The following MGST1 variants were observed in gnomAD, a reference collection of about 807,000 sequenced individuals.
MGST1 encodes the protein glutathione S-transferase 12.
In MGST1, 5 loss-of-function variants were observed where a neutral mutation model predicts 8.9. The observed-to-expected ratio is 0.56, with a 90% CI of 0.29 to 1.19. MGST1 has a LOEUF of 1.19. Ranked by LOEUF, MGST1 falls within the 50% of genes most tolerant of loss-of-function variation. The probability of loss-of-function intolerance (pLI) is 0.08; values close to 1 mark genes in which losing one functional copy is unlikely to be tolerated. For synonymous variants in MGST1, 54 were observed against 67.8 expected (o/e 0.80, Z 1.00); for missense variants, 182 against 187.4 (o/e 0.97, Z 0.17).
intron 1 of MGST1, among the ~76,000 whole-genome samples, chr12:16,350,057 CT>C (rs1368476360): frequency 6.6e-6 from 1 of 152,074 alleles, no homozygotes; most frequent in Non-Finnish European, 1.5e-5. Flanking sequence ...GCTTTTCTAA[CT>C]TTATTCAGCT....
At position 16,589,072 on chromosome 12, in the gene MGST1, C is replaced by T. The variant is rs918173645; in HGVS notation, n.483-456C>T. On this transcript the variant is annotated intron_variant and non_coding_transcript_variant, in intron 4 of 4. Coordinates refer to the MGST1 transcript ENST00000538857. This position sits in a 1 kb window ranked among gnomAD's most constrained non-coding sequence, Gnocchi z 4.2. ...AAGCTGGGGTGTAGCAGAAGGGGGT[C>T]GACGTCAGGTCTGGATACCTCACCG... Among the ~76,000 whole-genome samples, 19 of 152,002 alleles carry T rather than the reference C, an allele frequency of 1.2e-4. No homozygotes were observed. The highest frequency in any genetic ancestry group is 1.6e-4 in the Non-Finnish European group (11 of 67,982).
At chr12:16,575,438 C>T (rs1231523802) in intron 4 of MGST1, among the ~76,000 whole-genome samples, 1 of 152,160 alleles carries the variant, frequency 6.6e-6, no homozygotes, top group South Asian at 2.1e-4. Context: ...CATCTGAAAT[C>T]AATATCAATA....
chr12:16,378,359 A>C (rs1591711776), downstream of MGST1, among the ~76,000 whole-genome samples: 1 of 151,868 alleles, frequency 6.6e-6, no homozygotes, highest in African/African-American at 2.4e-5. Context: ...TCAGCTTTCT[A>C]CATATGGCTA....
chr12:16,376,246 A>G (rs996098988), exon 4 of MGST1: 4 of 639,036 alleles, frequency 6.3e-6, no homozygotes, highest in Middle Eastern at 5.0e-4. Flanking sequence ...TGAAGAAAAA[A>G]TTTATCTTTT....
At chr12:16,543,194 A>G in intron 4 of MGST1, among the ~76,000 whole-genome samples, 1 of 152,204 alleles carries the variant, frequency 6.6e-6, no homozygotes. Context: ...GACTCACTAC[A>G]TGAATATAGT....
At chr12:16,368,807 T>C (rs1335156407), downstream of MGST1, among the ~76,000 whole-genome samples, 1 of 152,092 alleles carries the variant, frequency 6.6e-6, no homozygotes, top group Non-Finnish European at 1.5e-5. Flanking sequence ...AATGGAGAGA[T>C]AGGAGCTGTG....
intron 4 of MGST1, among the ~76,000 whole-genome samples, chr12:16,481,764 T>C (rs916583114): frequency 6.6e-6 from 1 of 151,610 alleles, no homozygotes; most frequent in Non-Finnish European, 1.5e-5. Context: ...TGGAGTGAGA[T>C]GGGCTAAAAT....
intron 1 of MGST1, chr12:16,400,271 A>G (rs1202034579): frequency 1.2e-6 from 1 of 815,556 alleles, no homozygotes; most frequent in Non-Finnish European, 2.2e-6. Flanking sequence ...TGAAAATGCA[A>G]GACAATAATC....
intron 4 of MGST1, among the ~76,000 whole-genome samples, chr12:16,564,816 C>T (rs1316623926): frequency 6.6e-6 from 1 of 152,140 alleles, no homozygotes; most frequent in African/African-American, 2.4e-5. Context: ...TTTAGAGTCT[C>T]ACTCTGTCAC....
In MGST1 at chr12:16,401,354, G is replaced by C; in HGVS notation, n.778+17750G>C. 1 of 1,266,274 alleles carries C rather than the reference G, an allele frequency of 7.9e-7. No homozygotes were observed. The highest frequency in any genetic ancestry group is 1.2e-5 in the South Asian group (1 of 84,078). 78.4% of individuals were successfully genotyped at this position (1,266,274 alleles called of 1,614,324 possible). ...CTATTGATTACTAGGAAGCTTTCATGGAATTCAATTCCCACCCCAAATCCT... is the reference window on the plus strand; with the variant it reads ...CTATTGATTACTAGGAAGCTTTCATCGAATTCAATTCCCACCCCAAATCCT... On this transcript the variant is annotated intron_variant and non_coding_transcript_variant, in intron 1 of 1. Transcript: ENST00000359720. The surrounding 1 kb of genome is among the most constrained non-coding windows in gnomAD (Gnocchi z 4.3).
intron 4 of MGST1, among the ~76,000 whole-genome samples, chr12:16,567,100 C>T (rs907995618): frequency 6.6e-6 from 1 of 151,956 alleles, no homozygotes; most frequent in Non-Finnish European, 1.5e-5. Flanking sequence ...GGAGGCTGAG[C>T]CAGGAGAATC....
In MGST1 at chr12:16,405,364, C is replaced by G. The variant is rs149922374; in HGVS notation, n.778+21760C>G. ...CACATCCACCCTCCCATGACTGAAC[C>G]AGGAAGAAATTAAGTCTCTTAACAG... On this transcript the variant is annotated intron_variant and non_coding_transcript_variant, in intron 1 of 1. Coordinates refer to the MGST1 transcript ENST00000359720. 3.4e-3 allele frequency among the ~76,000 whole-genome samples: 514 copies of G among 151,968 alleles called. 5 individuals carry two copies. The highest frequency in any genetic ancestry group is 0.024 in the Middle Eastern group (7 of 294).
downstream of MGST1, among the ~76,000 whole-genome samples, chr12:16,382,160 G>A (rs1164544275): frequency 2.0e-5 from 3 of 152,096 alleles, no homozygotes; most frequent in East Asian, 3.8e-4. Context: ...TCTCTGTCCC[G>A]CTTTGTTCCG....
chr12:16,570,401 TA>T (rs1171105703), intron 4 of MGST1, among the ~76,000 whole-genome samples: 2 of 152,186 alleles, frequency 1.3e-5, no homozygotes, highest in African/African-American at 2.4e-5. Flanking sequence ...GGTTTGAAAA[TA>T]TTTTTTTTTA....
rs1591704186 is a variant in MGST1 at position 16,363,759 on chromosome 12, G to C, written c.222-36G>C. ...AAAAAGGATACATATCTAGTATTTT[G>C]AAATTAGTGTCTTTAATAGTTATCT... On this transcript the variant is annotated intron_variant, in intron 3 of 3. Coordinates refer to ENST00000396210, the MANE Select transcript of MGST1 (RefSeq NM_020300.5). This position sits in a 1 kb window ranked among gnomAD's most constrained non-coding sequence, Gnocchi z 4.6. 2 of 1,502,656 alleles carry C rather than the reference G, an allele frequency of 1.3e-6. No homozygotes were observed. The highest frequency in any genetic ancestry group is 2.3e-5 in the East Asian group (1 of 43,476). 93.1% of individuals were successfully genotyped at this position (1,502,656 alleles called of 1,614,324 possible).
At chr12:16,460,920 G>C (rs1263723854) in intron 4 of MGST1, among the ~76,000 whole-genome samples, 1 of 151,878 alleles carries the variant, frequency 6.6e-6, no homozygotes, top group Non-Finnish European at 1.5e-5. Context: ...AAGCTTTCTG[G>C]GTATCTCTTA....
In MGST1 at chr12:16,389,258, C is replaced by G. The variant is rs745904975; in HGVS notation, n.778+5654C>G. Among the ~76,000 whole-genome samples, 20 of 152,160 alleles carry G rather than the reference C, an allele frequency of 1.3e-4. No individual in the cohort carries two copies. Among genetic ancestry groups the G allele is most frequent in the Non-Finnish European group, 2.6e-4 (18 of 68,028 alleles). Reference sequence around the variant, plus strand: ...ACTGAAAAGAAATAGTTTGTTTACTCGATGCATCAACAGTTTGTATCTCAA... The same window carrying G: ...ACTGAAAAGAAATAGTTTGTTTACTGGATGCATCAACAGTTTGTATCTCAA... On this transcript the variant is annotated intron_variant and non_coding_transcript_variant, in intron 1 of 1. Coordinates refer to the MGST1 transcript ENST00000359720. The surrounding 1 kb of genome is among the most constrained non-coding windows in gnomAD (Gnocchi z 4.6).
rs113593462 is a variant in MGST1 at position 16,563,375 on chromosome 12, G to A, written n.483-26153G>A. On this transcript the variant is annotated intron_variant and non_coding_transcript_variant, in intron 4 of 4. Coordinates refer to the MGST1 transcript ENST00000538857. ...AAACAAAGTATTATTTTATAAAATG[G>A]GATTTTCAAATGTATAATGTTATCC... Among the ~76,000 whole-genome samples the A allele has an allele frequency of 7.5e-3, 1,138 of 152,102 alleles. 23 individuals carry two copies. The highest frequency in any genetic ancestry group is 0.026 in the African/African-American group (1,091 of 41,508).
In MGST1 at chr12:16,576,541, T is replaced by C. The variant is rs749947036; in HGVS notation, n.483-12987T>C. Among the ~76,000 whole-genome samples the C allele has an allele frequency of 1.3e-5, 2 of 152,228 alleles. No homozygotes were observed. The highest frequency in any genetic ancestry group is 6.5e-5 in the Admixed American group (1 of 15,286). Reference sequence around the variant, plus strand: ...ACACTTCTTTAGACATTTAAGCACTTGTTTTCATATACTACTTCATCTTTC... The same window carrying C: ...ACACTTCTTTAGACATTTAAGCACTCGTTTTCATATACTACTTCATCTTTC... On this transcript the variant is annotated intron_variant and non_coding_transcript_variant, in intron 4 of 4. Coordinates refer to the MGST1 transcript ENST00000538857. The surrounding 1 kb of genome is among the most constrained non-coding windows in gnomAD (Gnocchi z 4.1).
Sources: allele counts gnomAD v4.1 joint callset (sites outside exome capture counted in the v4.1 genomes callset), GRCh38; gene constraint gnomAD v4.1.1; non-coding constraint Gnocchi (gnomAD v3.1); transcripts MANE v1.5; gene names NCBI Gene and HGNC (gene_info 2026-07-23, HGNC 2026-07-21).